KATNIP: variants seen among roughly 807,000 people sequenced by gnomAD.
KATNIP encodes the protein katanin-interacting protein.
In KATNIP, 126 loss-of-function variants were observed where a neutral mutation model predicts 174.0. The observed-to-expected ratio is 0.72, with a 90% CI of 0.63 to 0.84. KATNIP has a LOEUF of 0.84. Among genes scored for constraint, KATNIP ranks in the 40% least tolerant of loss-of-function variants. The pLI is 0.00. For synonymous variants in KATNIP, 810 were observed against 835.7 expected, an observed-to-expected ratio of 0.97 and a Z score of 0.53; for missense variants, 1,958 against 2,109.7, an observed-to-expected ratio of 0.93 and a Z score of 1.41.
intron 14 of KATNIP, among the ~76,000 whole-genome samples, chr16:27,724,813 G>C (rs1036131772): frequency 3.3e-5 from 5 of 152,194 alleles, no homozygotes; most frequent in African/African-American, 1.2e-4. Flanking sequence ...GGTAGACAAG[G>C]CTTGTTAATA....
rs568054257 is a variant in KATNIP at position 27,566,788 on chromosome 16, T to C, written c.8-7113T>C. Among the ~76,000 whole-genome samples, 3 of 152,242 alleles carry C rather than the reference T, an allele frequency of 2.0e-5. No homozygotes were observed. The East Asian group carries it at 5.8e-4, about 29-fold the overall frequency. ...GCAAATGGTAGGAAATCCCAAGAGC[T>C]ATCACCCGGGGAAGAAGCTGACAAT... On this transcript the variant is annotated intron_variant, in intron 1 of 27. Coordinates refer to ENST00000261588, the MANE Select transcript of KATNIP (RefSeq NM_015202.5).
At chr16:27,572,786 AC>A (rs2090356881) in intron 1 of KATNIP, among the ~76,000 whole-genome samples, 1 of 152,178 alleles carries the variant, frequency 6.6e-6, no homozygotes, top group African/African-American at 2.4e-5. Context: ...CTTCTCCCAT[AC>A]CATGATACTG....
intron 6 of KATNIP, among the ~76,000 whole-genome samples, chr16:27,669,568 G>A (rs1158488943): frequency 6.6e-6 from 1 of 152,176 alleles, no homozygotes; most frequent in African/African-American, 2.4e-5. Context: ...TCTCTTTGAA[G>A]TACAGGCAGA....
At chr16:27,742,316 A>G (rs2081139443) in intron 15 of KATNIP, among the ~76,000 whole-genome samples, 1 of 152,204 alleles carries the variant, frequency 6.6e-6, no homozygotes, top group South Asian at 2.1e-4. Context: ...TAAAATGGTT[A>G]TGACTTCCCC....
chr16:27,724,255 G>A (rs1393474908), intron 14 of KATNIP, among the ~76,000 whole-genome samples: 1 of 152,148 alleles, frequency 6.6e-6, no homozygotes, highest in Non-Finnish European at 1.5e-5. Flanking sequence ...GTCCCACTCA[G>A]TGCTTCCTGG....
At chr16:27,578,326 C>G (rs562973264) in intron 2 of KATNIP, among the ~76,000 whole-genome samples, 12 of 152,238 alleles carry the variant, frequency 7.9e-5, no homozygotes, top group African/African-American at 2.2e-4. Context: ...GAGTGAGACT[C>G]TATCTCAAAA....
intron 27 of KATNIP, 51 bp from the exon 28 acceptor site, chr16:27,778,523 C>A (rs771723945): frequency 1.3e-6 from 2 of 1,585,972 alleles, no homozygotes; most frequent in Non-Finnish European, 1.7e-6. Context: ...GGGCACCCCT[C>A]CAGGGTTTGA....
chr16:27,769,930 G>A lies in KATNIP; in HGVS notation c.4045G>A (p.Gly1349Arg). Reference sequence around the variant, plus strand: ...GCCAGAGGGCTTTCTCATCCGGAAGGGGCCAGGCAACTGCCACTTTGATTT... The same window carrying A: ...GCCAGAGGGCTTTCTCATCCGGAAGAGGCCAGGCAACTGCCACTTTGATTT... Reference protein sequence around the residue: ...SPPEGFLIRKGPGNCHFDFAQ... With the variant: ...SPPEGFLIRKRPGNCHFDFAQ... The change falls in exon 21 of 28, where the codon GGG (glycine) becomes AGG (arginine). Residue 1349 changes from glycine to arginine, a missense_variant. This residue lies in a region of KATNIP where 383 missense variants were observed against 456.0 expected (regional missense o/e 0.84). Transcript: ENST00000261588. 6.2e-7 allele frequency: 1 copy of A among 1,614,228 alleles called. No individual in the cohort carries two copies. The highest frequency in any genetic ancestry group is 8.5e-7 in the Non-Finnish European group (1 of 1,180,048).
chr16:27,567,011 G>GAA (rs2090118067), intron 1 of KATNIP, among the ~76,000 whole-genome samples: 1 of 152,030 alleles, frequency 6.6e-6, no homozygotes, highest in African/African-American at 2.4e-5. Context: ...AGGAACTGTT[G>GAA]GTTCAATTTC....
chr16:27,745,257 C>T (rs576411343), intron 15 of KATNIP, among the ~76,000 whole-genome samples: 3 of 152,276 alleles, frequency 2.0e-5, no homozygotes, highest in African/African-American at 7.2e-5. Flanking sequence ...CACAGGGGAC[C>T]GGAAGGAAGA....
intron 8 of KATNIP, among the ~76,000 whole-genome samples, chr16:27,689,214 G>A (rs1346586960): frequency 6.6e-6 from 1 of 152,148 alleles, no homozygotes; most frequent in East Asian, 1.9e-4. Context: ...TCAGGAGTTT[G>A]AGACCAGCCT....
intron 13 of KATNIP, among the ~76,000 whole-genome samples, chr16:27,720,440 C>T (rs2080174537): frequency 6.6e-6 from 1 of 151,466 alleles, no homozygotes; most frequent in Non-Finnish European, 1.5e-5. Context: ...TTAGGAGGCA[C>T]ACTCCATGTG....
At chr16:27,723,378 C>G (rs1235141419) in intron 14 of KATNIP, among the ~76,000 whole-genome samples, 1 of 151,854 alleles carries the variant, frequency 6.6e-6, no homozygotes, top group East Asian at 1.9e-4. Flanking sequence ...ATCCCTGTCC[C>G]CCCTCCACCC....
At chr16:27,611,724 A>G (rs1481792565) in intron 2 of KATNIP, among the ~76,000 whole-genome samples, 1 of 152,236 alleles carries the variant, frequency 6.6e-6, no homozygotes, top group African/African-American at 2.4e-5. Context: ...CTTTTCGCAG[A>G]CAAGGAAACT....
intron 20 of KATNIP, among the ~76,000 whole-genome samples, chr16:27,767,837 C>A (rs1004061433): frequency 2.0e-5 from 3 of 152,368 alleles, no homozygotes; most frequent in East Asian, 1.9e-4. Flanking sequence ...CAGACCCTCC[C>A]AATGCCGCCC....
rs774424680 is a variant in KATNIP, at chr16:27,777,737, A to T, written c.4679A>T (p.Asp1560Val). The change falls in exon 26 of 28, where the codon GAC (aspartate) becomes GTC (valine). Residue 1560 changes from aspartate to valine, a missense_variant. By Grantham distance (152) the Asp-to-Val change is radical (BLOSUM62 -3). Around this residue, in one of 3 missense-constraint regions of KATNIP, gnomAD observed 383 missense variants for 456.0 expected, o/e 0.84. Transcript: ENST00000261588. The surrounding 1 kb of genome is among the most constrained non-coding windows in gnomAD (Gnocchi z 4.4). ...YHTILFTEDRDIRHQEKHTTI... is the reference protein window; with the variant it reads ...YHTILFTEDRVIRHQEKHTTI... ...ACCATCCTCTTCACCGAGGACAGGG[A>T]CATCCGCCACCAGGAGAAACACACC... is the stretch of plus-strand genomic sequence containing the variant. 6.2e-7 allele frequency: 1 copy of T among 1,613,984 alleles called. No individual in the cohort carries two copies. The highest frequency in any genetic ancestry group is 8.5e-7 in the Non-Finnish European group (1 of 1,179,940).
chr16:27,618,879 G>A (rs1057328811), intron 3 of KATNIP, among the ~76,000 whole-genome samples: 8 of 152,128 alleles, frequency 5.3e-5, no homozygotes, highest in Non-Finnish European at 1.2e-4. Flanking sequence ...TAATCATGTC[G>A]TGTTATGCAA....
At chr16:27,707,696 C>G (rs571173140) in intron 12 of KATNIP, among the ~76,000 whole-genome samples, 1 of 152,356 alleles carries the variant, frequency 6.6e-6, no homozygotes, top group South Asian at 2.1e-4. Flanking sequence ...TGTTTTCTCA[C>G]AATTCCGAAG....
At chr16:27,574,199 A>G (rs1338501071) in intron 2 of KATNIP, 3 of 510,954 alleles carry the variant, frequency 5.9e-6, no homozygotes, top group South Asian at 2.3e-5. Context: ...TCTGTGTAAC[A>G]AATCATCCCA....
Sources: allele counts gnomAD v4.1 joint callset (sites outside exome capture counted in the v4.1 genomes callset), GRCh38; gene constraint gnomAD v4.1.1; regional missense constraint gnomAD v4.1.1; non-coding constraint Gnocchi (gnomAD v3.1); transcripts MANE v1.5; gene names NCBI Gene and HGNC (gene_info 2026-07-23, HGNC 2026-07-21).